The following LEPROTL1 variants were observed in gnomAD, a reference collection of about 807,000 sequenced individuals.
LEPROTL1 encodes the protein leptin receptor overlapping transcript-like 1.
Under a neutral mutation model 15.4 loss-of-function variants are expected in LEPROTL1, and 6 were observed. That is an observed-to-expected ratio of 0.39 (90% confidence interval 0.21 to 0.77). The LOEUF (loss-of-function observed/expected upper bound fraction) is 0.77, where lower values mean the gene tolerates loss of function less well. Among genes scored for constraint, LEPROTL1 ranks in the 30% least tolerant of loss-of-function variants. The pLI, the probability that LEPROTL1 is intolerant of heterozygous loss-of-function variation, is 0.41. For synonymous variants in LEPROTL1, 56 were observed against 52.6 expected (o/e 1.06, Z -0.28); for missense variants, 128 against 158.1 (o/e 0.81, Z 1.02).
intron 4 of LEPROTL1, among the ~76,000 whole-genome samples, chr8:30,134,355 G>GGAGGCTC (rs1055230569): frequency 6.6e-6 from 1 of 151,754 alleles, no homozygotes; most frequent in Non-Finnish European, 1.5e-5. Context: ...CCTGGGAGGC[G>GGAGGCTC]GAGGTTGCAG....
intron 3 of LEPROTL1, chr8:30,104,688 G>A (rs1802530843): frequency 7.6e-6 from 3 of 396,554 alleles, no homozygotes; most frequent in Non-Finnish European, 1.3e-5. Context: ...TGCAGCAGCT[G>A]TTGGCTTGCT....
In LEPROTL1 at chr8:30,107,801, T is replaced by C; in HGVS notation, c.*1939T>C. On this transcript the variant is annotated 3_prime_UTR_variant, in exon 4 of 4. Transcript: ENST00000321250. ...TCTGGTCCTTCCCTATTTTCTGTTCTGGATGTCAGTGCAGTGCACTGCTAC... is the reference window on the plus strand; with the variant it reads ...TCTGGTCCTTCCCTATTTTCTGTTCCGGATGTCAGTGCAGTGCACTGCTAC... 1.0e-6 allele frequency: 1 copy of C among 985,458 alleles called. No individual in the cohort carries two copies. Among genetic ancestry groups the C allele is most frequent in the South Asian group, 4.7e-5 (1 of 21,290 alleles). The allele number at this position is 985,458 out of a possible 1,614,324, so 61.0% of individuals were successfully genotyped here.
At chr8:30,112,353 A>C (rs1317828313), downstream of LEPROTL1, among the ~76,000 whole-genome samples, 1 of 137,764 alleles carries the variant, frequency 7.3e-6, no homozygotes, top group African/African-American at 2.7e-5. Context: ...GTCCTGGCTT[A>C]GCCTCCCGAG....
intron 4 of LEPROTL1, among the ~76,000 whole-genome samples, chr8:30,134,705 G>A (rs1488775151): frequency 1.3e-5 from 2 of 151,624 alleles, no homozygotes; most frequent in Non-Finnish European, 2.9e-5. Flanking sequence ...ACGCCACCAC[G>A]CCCAGCTAAT....
Position 30,106,769 on chromosome 8 carries a change from T to C in LEPROTL1, c.*907T>C, listed in dbSNP as rs1802575752. 1 of 984,720 alleles carries C rather than the reference T, an allele frequency of 1.0e-6. No homozygotes were observed. Among genetic ancestry groups the C allele is most frequent in the South Asian group, 4.7e-5 (1 of 21,252 alleles). 61.0% of individuals were successfully genotyped at this position (984,720 alleles called of 1,614,324 possible). A position where few individuals can be genotyped will look rare whatever the true frequency, so the allele number is the denominator to read the frequency against. On this transcript the variant is annotated 3_prime_UTR_variant, in exon 4 of 4. Transcript: ENST00000321250. ...AAATGGACATACATGGAACCACTAC[T>C]GATGAGGGACAGTTGTATGTTTGCA... is the stretch of plus-strand genomic sequence containing the variant.
Position 30,107,127 on chromosome 8 carries a change from T to C in LEPROTL1, c.*1265T>C. On this transcript the variant is annotated 3_prime_UTR_variant, in exon 4 of 4. Coordinates refer to ENST00000321250, the MANE Select transcript of LEPROTL1 (RefSeq NM_015344.3). ...AAGTTTCCTGTATACCTCTGAACTG[T>C]TTTGATTTTGAGTTCATCATGATAG... 2 of 983,530 alleles carry C rather than the reference T, an allele frequency of 2.0e-6. No individual in the cohort carries two copies. The highest frequency in any genetic ancestry group is 2.4e-6 in the Non-Finnish European group (2 of 828,196). The allele number at this position is 983,530 out of a possible 1,614,324, so 60.9% of individuals were successfully genotyped here. A position where few individuals can be genotyped will look rare whatever the true frequency, so the allele number is the denominator to read the frequency against.
chr8:30,100,448 CTTAT>C (rs765141244), intron 1 of LEPROTL1, among the ~76,000 whole-genome samples: 16 of 152,160 alleles, frequency 1.1e-4, no homozygotes, highest in Admixed American at 4.6e-4. Context: ...TTATCATTTA[CTTAT>C]TTATTTATTT....
intron 1 of LEPROTL1, among the ~76,000 whole-genome samples, chr8:30,098,700 A>T (rs1197352769): frequency 6.6e-6 from 1 of 152,224 alleles, no homozygotes; most frequent in African/African-American, 2.4e-5. Flanking sequence ...GTTAGTAACT[A>T]TTAGGGCCTT....
At chr8:30,096,865 G>C (rs1020037859) in intron 1 of LEPROTL1, among the ~76,000 whole-genome samples, 2 of 152,168 alleles carry the variant, frequency 1.3e-5, no homozygotes, top group Non-Finnish European at 2.9e-5. Context: ...CTTTCTCTTG[G>C]CCTAATATCT....
At chr8:30,137,828 T>C, downstream of LEPROTL1, 1 of 308,352 alleles carries the variant, frequency 3.2e-6, no homozygotes, top group South Asian at 3.8e-5. Context: ...AGCCGAAAGA[T>C]TAGAAATTAT....
At position 30,132,535 on chromosome 8, in the gene LEPROTL1, T is replaced by C. The variant is rs754928266; in HGVS notation, c.394+46T>C. 9.7e-6 allele frequency: 15 copies of C among 1,551,546 alleles called. No individual in the cohort carries two copies. In the South Asian group the frequency reaches 1.8e-4, roughly 18 times the overall value. On this transcript the variant is annotated intron_variant, in intron 4 of 4. Transcript: ENST00000442880. Reference sequence around the variant, plus strand: ...TGTGGTCCACACGACATAGATGCACTCGAATTGCTGGCAATCAGTCAGTCC... The same window carrying C: ...TGTGGTCCACACGACATAGATGCACCCGAATTGCTGGCAATCAGTCAGTCC...
chr8:30,124,183 A>G (rs1802874885), intron 3 of LEPROTL1, among the ~76,000 whole-genome samples: 1 of 152,200 alleles, frequency 6.6e-6, no homozygotes, highest in African/African-American at 2.4e-5. Context: ...TGGGATGAAG[A>G]AAATGCCAGA....
rs181421794 is a variant in LEPROTL1 at position 30,119,600 on chromosome 8, C to T, written c.280-12775C>T. Among the ~76,000 whole-genome samples the T allele has an allele frequency of 9.2e-5, 14 of 152,282 alleles. No homozygotes were observed. In the East Asian group the frequency reaches 2.7e-3, roughly 29 times the overall value. ...GGATGAGGGCCCATGCTAATGACCT[C>T]GTTTAACCTTAATTACATCTTTAAA... On this transcript the variant is annotated intron_variant, in intron 3 of 4. Coordinates refer to the LEPROTL1 transcript ENST00000442880.
At position 30,097,596 on chromosome 8, in the gene LEPROTL1, C is replaced by T. The variant is rs181609031; in HGVS notation, c.16+2068C>T. On this transcript the variant is annotated intron_variant, in intron 1 of 3. Transcript: ENST00000321250. ...GCTGAGGCAGGGAATTGCTTGAACC[C>T]GGGAGGCAGAGGTTGCAGTGAGCCA... 3.1e-3 allele frequency among the ~76,000 whole-genome samples: 458 copies of T among 149,884 alleles called. 5 individuals are homozygous for T. The highest frequency in any genetic ancestry group is 0.01 in the African/African-American group (426 of 40,830).
Position 30,104,315 on chromosome 8 carries a change from C to G in LEPROTL1, c.108C>G (p.Leu36=). The part of the protein sequence containing the change: ...ALPIYNKYWP[L]FVLFFYILSP... ...CTTTTTCTAGCAAATACTGGCCCCT[C>G]TTTGTTCTATTTTTTTACATCCTTT... The change falls in exon 3 of 4, where the codon CTC becomes CTG. Residue 36 remains leucine, a synonymous_variant. Transcript: ENST00000321250. The G allele has an allele frequency of 1.3e-6, 2 of 1,522,876 alleles. No homozygotes were observed. The highest frequency in any genetic ancestry group is 1.3e-5 in the South Asian group (1 of 74,980). The allele number at this position is 1,522,876 out of a possible 1,614,324, so 94.3% of individuals were successfully genotyped here. A position where few individuals can be genotyped will look rare whatever the true frequency, so the allele number is the denominator to read the frequency against.
intron 4 of LEPROTL1, among the ~76,000 whole-genome samples, chr8:30,136,880 G>T (rs1316977758): frequency 5.3e-5 from 8 of 152,056 alleles, no homozygotes; most frequent in Non-Finnish European, 1.2e-4. Context: ...CAGAGACGGG[G>T]TTTTGCCATG....
intron 3 of LEPROTL1, among the ~76,000 whole-genome samples, chr8:30,119,540 T>C (rs1333943020): frequency 1.3e-5 from 2 of 152,208 alleles, no homozygotes; most frequent in Non-Finnish European, 1.5e-5. Context: ...GTCTGTGTCC[T>C]AATTGTCTGA....
downstream of LEPROTL1, among the ~76,000 whole-genome samples, chr8:30,112,291 A>G (rs1802663223): frequency 2.0e-5 from 3 of 150,330 alleles, no homozygotes; most frequent in Admixed American, 2.0e-4. Flanking sequence ...GCTGGAGTTC[A>G]GTGGTGTGAT....
chr8:30,117,305 T>C (rs1454474464), intron 3 of LEPROTL1: 2 of 723,648 alleles, frequency 2.8e-6, no homozygotes, highest in East Asian at 2.6e-5. Flanking sequence ...CTGGACAAAA[T>C]AGTGAGACCC....
Sources: allele counts gnomAD v4.1 joint callset (sites outside exome capture counted in the v4.1 genomes callset), GRCh38; gene constraint gnomAD v4.1.1; transcripts MANE v1.5; gene names NCBI Gene and HGNC (gene_info 2026-07-23, HGNC 2026-07-21).